The following CAGE1 variants were observed in gnomAD, a reference collection of about 807,000 sequenced individuals.
CAGE1 encodes the protein cancer-associated gene 1 protein.
CAGE1 carries 66 observed loss-of-function variants against 94.9 expected under a neutral mutation model. The observed-to-expected ratio is 0.70, with a 90% CI of 0.57 to 0.85. The LOEUF is 0.85. Among genes scored for constraint, CAGE1 ranks in the 40% least tolerant of loss-of-function variants. CAGE1 has a pLI of 0.00. For synonymous variants in CAGE1, 319 were observed against 321.0 expected, an observed-to-expected ratio of 0.99 and a Z score of 0.07; for missense variants, 865 against 950.4, an observed-to-expected ratio of 0.91 and a Z score of 1.18.
intron 9 of CAGE1, among the ~76,000 whole-genome samples, chr6:7,357,825 G>A (rs1248066417): frequency 6.6e-5 from 10 of 150,746 alleles, no homozygotes; most frequent in East Asian, 2.0e-4. Flanking sequence ...ATGGAGTATC[G>A]CTTTGTCACC....
At chr6:7,382,849 G>A (rs1760984831) in intron 3 of CAGE1, among the ~76,000 whole-genome samples, 1 of 152,020 alleles carries the variant, frequency 6.6e-6, no homozygotes, top group African/African-American at 2.4e-5. Flanking sequence ...GGTGGAGGTT[G>A]CAGTGAGCCG....
rs1181651448 is a variant in CAGE1, at chr6:7,352,304, AACAAAAAAAAAC to A, written c.2369+2725_2369+2736del. On this transcript the variant is annotated intron_variant, in intron 11 of 13. Coordinates refer to ENST00000502583, the MANE Select transcript of CAGE1 (RefSeq NM_001170692.2). ...TACAATAGCTGCAAAAAAAAAAAAA[AACAAAAAAAAAC>A]AAAAAAAAAAAACCTAACCAAAGAG... Among the ~76,000 whole-genome samples, 134 of 115,042 alleles carry A rather than the reference AACAAAAAAAAAC, an allele frequency of 1.2e-3. 1 individual carries two copies. The highest frequency in any genetic ancestry group is 4.1e-3 in the African/African-American group (123 of 29,898). The allele number at this position is 115,042 out of a possible 152,430, so 75.5% of individuals were successfully genotyped here.
rs781323274 is a variant in CAGE1, at chr6:7,378,739, TAGG to T, written c.562_564del (p.Pro188del). The T allele has an allele frequency of 1.2e-6, 2 of 1,613,978 alleles. No individual in the cohort carries two copies. Among genetic ancestry groups the T allele is most frequent in the Non-Finnish European group, 1.7e-6 (2 of 1,179,864 alleles). ...CTGCAGTGGATTAGAGGCGGGCTTC[TAGG>T]AGGAGGCTGTCTAAAATACTCGTTA... On this transcript the variant is annotated inframe_deletion, in exon 4 of 14. Transcript: ENST00000502583.
intron 4 of CAGE1, among the ~76,000 whole-genome samples, chr6:7,377,869 C>T (rs1005400926): frequency 5.3e-5 from 8 of 152,296 alleles, no homozygotes; most frequent in East Asian, 1.9e-4. Context: ...TATATACTGT[C>T]GGTATCTTCA....
intron 3 of CAGE1, among the ~76,000 whole-genome samples, chr6:7,384,637 A>G (rs1230042452): frequency 1.3e-5 from 2 of 152,166 alleles, no homozygotes; most frequent in African/African-American, 2.4e-5. Context: ...GTATCTCATT[A>G]TATGATTAAA....
In CAGE1 at chr6:7,339,219, C is replaced by G; in HGVS notation, c.2370-5129G>C. ...GAACCGCGACACACCATAGCAGGCC[C>G]TCCGCACAGCAAGCCCTCCTAGGAG... is the stretch of plus-strand genomic sequence containing the variant. On this transcript the variant is annotated intron_variant, in intron 11 of 13. Coordinates refer to ENST00000502583, the MANE Select transcript of CAGE1 (RefSeq NM_001170692.2). The surrounding 1 kb of genome is among the most constrained non-coding windows in gnomAD (Gnocchi z 4.7). 4 of 1,566,692 alleles carry G rather than the reference C, an allele frequency of 2.6e-6. No individual in the cohort carries two copies. Among genetic ancestry groups the G allele is most frequent in the Non-Finnish European group, 3.5e-6 (4 of 1,138,346 alleles).
At chr6:7,369,562 C>T (rs1170989128) in intron 6 of CAGE1, among the ~76,000 whole-genome samples, 2 of 152,164 alleles carry the variant, frequency 1.3e-5, no homozygotes, top group Non-Finnish European at 2.9e-5. Context: ...TTAGATTGGG[C>T]AAACAGCTCA....
intron 13 of CAGE1, among the ~76,000 whole-genome samples, chr6:7,327,247 T>A (rs770432968): frequency 2.0e-5 from 3 of 152,106 alleles, no homozygotes; most frequent in Non-Finnish European, 4.4e-5. Flanking sequence ...GAGACGGGGT[T>A]TCACCATGAT....
intron 9 of CAGE1, among the ~76,000 whole-genome samples, chr6:7,358,265 T>A (rs1433549374): frequency 1.3e-5 from 2 of 151,556 alleles, no homozygotes; most frequent in African/African-American, 4.8e-5. Flanking sequence ...TTCTAGAATG[T>A]TATATAATGG....
At position 7,378,980 on chromosome 6, in the gene CAGE1, C is replaced by A. The variant is rs1260192127; in HGVS notation, c.324G>T (p.Gln108His). ...IENYSTNALI[Q>H]PVDTISISSL... ...AAGATATGCTGATGGTGTCAACTGGCTGAATTAGTGCATTCGTTGAGTAAT... is the reference window on the plus strand; with the variant it reads ...AAGATATGCTGATGGTGTCAACTGGATGAATTAGTGCATTCGTTGAGTAAT... The change falls in exon 4 of 14, where the codon CAG becomes CAT. Residue 108 changes from glutamine to histidine, a missense_variant. Gln to His is a conservative substitution (Grantham distance 24, BLOSUM62 0). Transcript: ENST00000502583. The A allele has an allele frequency of 1.3e-6, 2 of 1,556,744 alleles. No individual in the cohort carries two copies. The highest frequency in any genetic ancestry group is 2.3e-5 in the East Asian group (1 of 42,780).
chr6:7,379,207 G>C (rs946759433), intron 3 of CAGE1, among the ~76,000 whole-genome samples, 187 bp from the exon 4 acceptor site: 2 of 152,054 alleles, frequency 1.3e-5, no homozygotes, highest in Non-Finnish European at 2.9e-5. Context: ...TTTTTACATG[G>C]GGGAAAGAAG....
In CAGE1 at chr6:7,378,903, T is replaced by A; in HGVS notation, c.401A>T (p.Asp134Val). ...VCKFHWVEAF[D>V]DEMTEKPEFQ... ...TTCTGGCTTCTCTGTCATTTCATCA[T>A]CAAATGCTTCTACCCAGTGAAATTT... The change falls in exon 4 of 14, where the codon GAT (aspartate) becomes GTT (valine). Residue 134 changes from aspartate to valine, a missense_variant. Coordinates refer to ENST00000502583, the MANE Select transcript of CAGE1 (RefSeq NM_001170692.2). 1 of 1,608,598 alleles carries A rather than the reference T, an allele frequency of 6.2e-7. No homozygotes were observed. The highest frequency in any genetic ancestry group is 8.5e-7 in the Non-Finnish European group (1 of 1,176,790).
chr6:7,344,388 T>TC (rs1759332583), intron 11 of CAGE1, among the ~76,000 whole-genome samples: 1 of 152,098 alleles, frequency 6.6e-6, no homozygotes, highest in Non-Finnish European at 1.5e-5. Flanking sequence ...GTGTACTGGG[T>TC]CCCCCAGCAG....
At chr6:7,349,843 A>G (rs1759699245) in intron 11 of CAGE1, among the ~76,000 whole-genome samples, 1 of 151,894 alleles carries the variant, frequency 6.6e-6, no homozygotes, top group Non-Finnish European at 1.5e-5. Flanking sequence ...GAGGCAGGAG[A>G]ATCGCTTGAG....
intron 1 of CAGE1, among the ~76,000 whole-genome samples, chr6:7,388,254 C>T (rs1403089720): frequency 6.6e-6 from 1 of 152,132 alleles, no homozygotes; most frequent in East Asian, 1.9e-4. Flanking sequence ...CCCTGCTCTA[C>T]TCAGATCAGG....
At chr6:7,345,978 C>G (rs1244471014) in intron 11 of CAGE1, among the ~76,000 whole-genome samples, 3 of 152,142 alleles carry the variant, frequency 2.0e-5, no homozygotes, top group Non-Finnish European at 4.4e-5. Flanking sequence ...AACAATACCT[C>G]AAACTCTATT....
intron 5 of CAGE1, among the ~76,000 whole-genome samples, chr6:7,370,637 A>G (rs1264036302): frequency 6.6e-6 from 1 of 151,158 alleles, no homozygotes; most frequent in African/African-American, 2.4e-5. Flanking sequence ...ATTTTTTGAA[A>G]CAAAAAATTT....
chr6:7,387,012 C>T lies in CAGE1; in HGVS notation c.162G>A (p.Met54Ile). 6.4e-7 allele frequency: 1 copy of T among 1,552,012 alleles called. No homozygotes were observed. The highest frequency in any genetic ancestry group is 2.4e-5 in the East Asian group (1 of 40,916). Reference protein sequence around the residue: ...GVMLSHSPICMETTGTTCDLP... With the variant: ...GVMLSHSPICIETTGTTCDLP... The stretch of plus-strand genomic sequence containing the variant: ...AGTCACAAGTGGTGCCGGTGGTTTC[C>T]ATACAGATTGGAGAATGTGAAAGCA... Residue 54 changes from methionine (M) to isoleucine (I), a missense_variant, in exon 2 of 14, where the codon ATG becomes ATA. By Grantham distance (10) the Met-to-Ile change is conservative (BLOSUM62 1). Transcript: ENST00000502583.
At chr6:7,383,268 A>G (rs1761004227) in intron 3 of CAGE1, among the ~76,000 whole-genome samples, 1 of 152,240 alleles carries the variant, frequency 6.6e-6, no homozygotes, top group Admixed American at 6.5e-5. Context: ...ATCCAGTCTC[A>G]GGTAGTTCTT....
Sources: gnomAD v4.1 joint callset for allele counts (sites outside exome capture counted in the v4.1 genomes callset) on GRCh38, gnomAD v4.1.1 for gene constraint, Gnocchi (gnomAD v3.1) non-coding constraint, MANE v1.5 for transcripts, NCBI Gene and HGNC (gene_info 2026-07-23, HGNC 2026-07-21) for gene names.